The following ARSD variants were observed in gnomAD, a reference collection of about 807,000 sequenced individuals.
ARSD encodes the protein arylsulfatase D, also known as testis tissue sperm-binding protein Li 39a.
ARSD carries 21 observed loss-of-function variants against 32.6 expected under a neutral mutation model. The observed-to-expected ratio is 0.64, with a 90% CI of 0.46 to 0.93. ARSD has a LOEUF of 0.93. Among genes scored for constraint, ARSD ranks in the 40% least tolerant of loss-of-function variants. The probability of loss-of-function intolerance (pLI) is 0.00; values close to 1 mark genes in which losing one functional copy is unlikely to be tolerated. For synonymous variants in ARSD, 224 were observed against 237.4 expected, an observed-to-expected ratio of 0.94 and a Z score of 0.52; for missense variants, 454 against 520.9, an observed-to-expected ratio of 0.87 and a Z score of 1.25.
chrX:2,913,519 G>A lies in ARSD; in HGVS notation c.1000+2037C>T, dbSNP rs150997884. The A allele has an allele frequency of 5.0e-3, 4,847 of 970,193 alleles. 13 individuals carry two copies. The highest frequency in any genetic ancestry group is 0.018 in the Middle Eastern group (56 of 3,163). The allele number at this position is 970,193 out of a possible 1,213,427, so 80.0% of individuals were successfully genotyped here. A position where few individuals can be genotyped will look rare whatever the true frequency, so the allele number is the denominator to read the frequency against. ...TTGGTTTACACTGTGAACCAATCCCGCCCTATCACTATGCTTGTCTCGGGA... is the reference window on the plus strand; with the variant it reads ...TTGGTTTACACTGTGAACCAATCCCACCCTATCACTATGCTTGTCTCGGGA... On this transcript the variant is annotated intron_variant, in intron 6 of 9. Transcript: ENST00000381154.
intron 9 of ARSD, among the ~76,000 whole-genome samples, chrX:2,908,421 C>T (rs2088872029): frequency 9.2e-6 from 1 of 109,184 alleles, no homozygotes; most frequent in Non-Finnish European, 1.9e-5. Context: ...TCTATCCATC[C>T]ATCATCTATC....
chrX:2,911,430 G>A (rs758019234), intron 6 of ARSD, among the ~76,000 whole-genome samples: 2 of 109,692 alleles, frequency 1.8e-5, no homozygotes, highest in South Asian at 4.0e-4. Flanking sequence ...CAGCACTTTC[G>A]GAGGCTGAGG....
intron 8 of ARSD, among the ~76,000 whole-genome samples, chrX:2,909,080 GCA>G (rs60574020): frequency 1.3e-4 from 14 of 105,628 alleles, no homozygotes; most frequent in Admixed American, 2.0e-4. Context: ...TAAGCAGAGT[GCA>G]CACACACACA....
At chrX:2,928,536 A>G (rs866184226) in intron 1 of ARSD, among the ~76,000 whole-genome samples, 1 of 4,142 alleles carries the variant, frequency 2.4e-4, no homozygotes, top group Non-Finnish European at 4.4e-4. Context: ...GGGGCCGAAG[A>G]GGCGGGGGGC....
Position 2,922,124 on chromosome X carries a change from A to C in ARSD, c.195-100T>G, listed in dbSNP as rs543566795. 128 of 1,018,091 alleles carry C rather than the reference A, an allele frequency of 1.3e-4. No homozygotes were observed. The South Asian group carries it at 3.0e-3, about 24-fold the overall frequency. 83.9% of individuals were successfully genotyped at this position (1,018,091 alleles called of 1,213,427 possible). ...GCACAGGAATAGCTGCAAGGACTTC[A>C]CCGGATTTCAGAATTAGTTGCATTA... On this transcript the variant is annotated intron_variant, in intron 2 of 9. Coordinates refer to ENST00000381154, the MANE Select transcript of ARSD (RefSeq NM_001669.4).
intron 6 of ARSD, among the ~76,000 whole-genome samples, chrX:2,911,441 C>T (rs1028803735): frequency 3.7e-5 from 4 of 108,913 alleles, no homozygotes; most frequent in South Asian, 4.0e-4. Context: ...GAGGCTGAGG[C>T]GGGTGGATTA....
At chrX:2,927,106 CG>C (rs1569093579) in intron 1 of ARSD, among the ~76,000 whole-genome samples, 1 of 109,399 alleles carries the variant, frequency 9.1e-6, no homozygotes, top group Non-Finnish European at 1.9e-5. Context: ...GGGGACAGGA[CG>C]GGGCGTGTCT....
At chrX:2,928,815 C>T (rs1358818093) in intron 1 of ARSD, among the ~76,000 whole-genome samples, 2 of 111,277 alleles carry the variant, frequency 1.8e-5, no homozygotes, top group African/African-American at 6.5e-5. Context: ...TCTTAGGGAG[C>T]CTTTGAAGGC....
chrX:2,925,538 T>C, intron 2 of ARSD, 78 bp downstream of exon 2: 1 of 1,096,686 alleles, frequency 9.1e-7, no homozygotes, highest in East Asian at 3.1e-5. Context: ...AGTTTCCTAA[T>C]TTCTCCAGGC....
In ARSD at chrX:2,907,144, T is replaced by A. The variant is rs2088857515; in HGVS notation, c.*127A>T. The A allele has an allele frequency of 1.7e-6, 1 of 603,351 alleles. No homozygotes were observed. Among genetic ancestry groups the A allele is most frequent in the African/African-American group, 2.3e-5 (1 of 42,923 alleles). 49.7% of individuals were successfully genotyped at this position (603,351 alleles called of 1,213,427 possible). A position where few individuals can be genotyped will look rare whatever the true frequency, so the allele number is the denominator to read the frequency against. ...AAAAGAAAGAAAGAAAGAAAGAAAG[T>A]GGGGACCCACTCTCAGTCCAGGGCA... is the stretch of plus-strand genomic sequence containing the variant. On this transcript the variant is annotated 3_prime_UTR_variant, in exon 10 of 10. Transcript: ENST00000381154.
In ARSD at chrX:2,928,306, G is replaced by T. The variant is rs1353403339; in HGVS notation, c.44+926C>A. On this transcript the variant is annotated intron_variant, in intron 1 of 9. Coordinates refer to ENST00000381154, the MANE Select transcript of ARSD (RefSeq NM_001669.4). ...GGACGGGACAGAGAAGTCTTGGGGGGTGACCGGGGTAGGCACGGCGGTGCT... is the reference window on the plus strand; with the variant it reads ...GGACGGGACAGAGAAGTCTTGGGGGTTGACCGGGGTAGGCACGGCGGTGCT... 1.3e-4 allele frequency among the ~76,000 whole-genome samples: 13 copies of T among 99,413 alleles called. 1 individual carries two copies. Among genetic ancestry groups the T allele is most frequent in the East Asian group, 6.6e-4 (2 of 3,037 alleles). 86.3% of individuals were successfully genotyped at this position (99,413 alleles called of 115,157 possible).
chrX:2,910,107 G>T, intron 7 of ARSD, 128 bp from the exon 8 acceptor site: 1 of 883,239 alleles, frequency 1.1e-6, no homozygotes, highest in Non-Finnish European at 1.5e-6. Context: ...CACTGGGGCA[G>T]CCTCAGCTTC....
intron 2 of ARSD, among the ~76,000 whole-genome samples, chrX:2,922,672 T>TA (rs2089039799): frequency 1.9e-5 from 2 of 105,603 alleles, no homozygotes; most frequent in South Asian, 4.2e-4. Context: ...CCGTCTCTAC[T>TA]AAAAAAAATA....
chrX:2,919,524 G>T (rs1332491225), intron 4 of ARSD, among the ~76,000 whole-genome samples: 2 of 111,197 alleles, frequency 1.8e-5, no homozygotes, highest in Non-Finnish European at 3.8e-5. Context: ...AGTTTAAGGG[G>T]CAGGCCTGAG....
chrX:2,910,251 A>G (rs1361807295), intron 7 of ARSD, among the ~76,000 whole-genome samples: 1 of 110,816 alleles, frequency 9.0e-6, no homozygotes, highest in Non-Finnish European at 1.9e-5. Context: ...TAATGTATTA[A>G]AATATTCATT....
At chrX:2,922,170 T>C (rs1296588069) in intron 2 of ARSD, 146 bp from the exon 3 acceptor site, 9 of 741,453 alleles carry the variant, frequency 1.2e-5, no homozygotes, top group South Asian at 9.3e-5. Flanking sequence ...CAGCGGTAGA[T>C]TGACCCCATC....
rs1224080229 is a variant in ARSD, at chrX:2,914,426, G to C, written c.1000+1130C>G. 1.4e-5 allele frequency: 7 copies of C among 506,371 alleles called. No individual in the cohort carries two copies. In the African/African-American group the frequency reaches 1.6e-4, roughly 12 times the overall value. 41.7% of individuals were successfully genotyped at this position (506,371 alleles called of 1,213,427 possible). The stretch of plus-strand genomic sequence containing the variant: ...TAAATTTTTTGTAGAGATGGGGGGG[G>C]GGGGCGTCTCACTATGTTGCCCAGG... On this transcript the variant is annotated intron_variant, in intron 6 of 9. Transcript: ENST00000381154.
At chrX:2,924,408 C>T (rs1455143276) in intron 2 of ARSD, among the ~76,000 whole-genome samples, 1 of 113,611 alleles carries the variant, frequency 8.8e-6, no homozygotes, top group African/African-American at 3.2e-5. Flanking sequence ...GGGGACCGCT[C>T]CTGAGGTTGG....
rs768163039 is a variant in ARSD at position 2,914,421 on chromosome X, G to A, written c.1000+1135C>T. On this transcript the variant is annotated intron_variant, in intron 6 of 9. Coordinates refer to ENST00000381154, the MANE Select transcript of ARSD (RefSeq NM_001669.4). ...TTTTTTAAATTTTTTGTAGAGATGG[G>A]GGGGGGGGGCGTCTCACTATGTTGC... The A allele has an allele frequency of 5.3e-5, 20 of 378,596 alleles. 1 individual carries two copies. The highest frequency in any genetic ancestry group is 4.2e-4 in the Admixed American group (5 of 11,788). The allele number at this position is 378,596 out of a possible 1,213,427, so 31.2% of individuals were successfully genotyped here. A position where few individuals can be genotyped will look rare whatever the true frequency, so the allele number is the denominator to read the frequency against.
Sources: allele counts gnomAD v4.1 joint callset (sites outside exome capture counted in the v4.1 genomes callset), GRCh38; gene constraint gnomAD v4.1.1; transcripts MANE v1.5; gene names NCBI Gene and HGNC (gene_info 2026-07-23, HGNC 2026-07-21).